The following SLC4A8 variants were observed in gnomAD, a reference collection of about 807,000 sequenced individuals.
SLC4A8 encodes the protein solute carrier family 4 member 8.
In SLC4A8, 40 loss-of-function variants were observed where a neutral mutation model predicts 125.0. That is an observed-to-expected ratio of 0.32 (90% confidence interval 0.25 to 0.42). The LOEUF (loss-of-function observed/expected upper bound fraction) is 0.42, where lower values mean the gene tolerates loss of function less well. Among genes scored for constraint, SLC4A8 ranks in the 10% least tolerant of loss-of-function variants. The pLI is 1.00. For synonymous variants in SLC4A8, 456 were observed against 476.0 expected, an observed-to-expected ratio of 0.96 and a Z score of 0.55; for missense variants, 863 against 1,355.1, an observed-to-expected ratio of 0.64 and a Z score of 5.70.
rs766246167 is a variant in SLC4A8, at chr12:51,471,509, G to A, written c.1881G>A (p.Gln627=). Residue 627 remains glutamine, a synonymous_variant, in exon 14 of 25, where the codon CAG becomes CAA. Coordinates refer to ENST00000453097, the MANE Select transcript of SLC4A8 (RefSeq NM_001039960.3). ...CCTACCCCATCCACATGCACAGCCA[G>A]CTGGACCACCTTAGCCTCTATTAGT... ...AETYPIHMHS[Q]LDHLSLYYCR... is the part of the protein sequence containing the mutation. 2 of 1,614,108 alleles carry A rather than the reference G, an allele frequency of 1.2e-6. No individual in the cohort carries two copies. The highest frequency in any genetic ancestry group is 2.2e-5 in the South Asian group (2 of 91,078).
At chr12:51,498,050 GA>G (rs546057946) in intron 22 of SLC4A8, among the ~76,000 whole-genome samples, 1,623 of 132,672 alleles carry the variant, frequency 0.012, 19 homozygotes, top group African/African-American at 0.036. Flanking sequence ...CCTATCTCAA[GA>G]AAAAAAAAAA....
intron 2 of SLC4A8, among the ~76,000 whole-genome samples, chr12:51,445,312 G>A (rs1241906502): frequency 6.6e-6 from 1 of 152,098 alleles, no homozygotes; most frequent in Non-Finnish European, 1.5e-5. Context: ...GGGACTACAG[G>A]CATGCACCAC....
chr12:51,487,595 G>A (rs1951194112), intron 17 of SLC4A8, among the ~76,000 whole-genome samples: 1 of 152,210 alleles, frequency 6.6e-6, no homozygotes, highest in South Asian at 2.1e-4. Flanking sequence ...CCAAAAAAGG[G>A]CGAACTTGTC....
At chr12:51,433,575 G>A (rs1303345357) in intron 1 of SLC4A8, among the ~76,000 whole-genome samples, 2 of 152,102 alleles carry the variant, frequency 1.3e-5, no homozygotes, top group Non-Finnish European at 2.9e-5. Flanking sequence ...CCATTTACAA[G>A]CACCCTAGAA....
chr12:51,438,318 T>C (rs992510268), intron 1 of SLC4A8, among the ~76,000 whole-genome samples: 4 of 152,178 alleles, frequency 2.6e-5, no homozygotes, highest in African/African-American at 7.2e-5. Context: ...TTCTCTCTTA[T>C]ACTTCTTACT....
intron 6 of SLC4A8, among the ~76,000 whole-genome samples, chr12:51,458,238 A>T (rs773105020): frequency 1.3e-5 from 2 of 152,140 alleles, no homozygotes; most frequent in Non-Finnish European, 2.9e-5. Context: ...TATGCCTGGG[A>T]ATCTATATTT....
chr12:51,451,022 G>A lies in SLC4A8; in HGVS notation c.277G>A (p.Asp93Asn), dbSNP rs765313348. ...GGAAGGCCTGGAAGCCCTGGCCCACGGTAAGGGCCTTGGGAGACAGGGCGG... is the reference window on the plus strand; with the variant it reads ...GGAAGGCCTGGAAGCCCTGGCCCACAGTAAGGGCCTTGGGAGACAGGGCGG... ...GEEGLEALAH[D>N]TPSQRVQFIL... The change falls in exon 3 of 25, where the codon GAC (aspartate) becomes AAC (asparagine). Residue 93 changes from aspartate to asparagine, a missense_variant and splice_region_variant. Physicochemically the swap from Asp to Asn is conservative, Grantham distance 23. Coordinates refer to ENST00000453097, the MANE Select transcript of SLC4A8 (RefSeq NM_001039960.3). 6.6e-6 allele frequency: 10 copies of A among 1,507,306 alleles called. No homozygotes were observed. The highest frequency in any genetic ancestry group is 6.5e-5 in the South Asian group (5 of 76,782). The allele number at this position is 1,507,306 out of a possible 1,614,324, so 93.4% of individuals were successfully genotyped here.
At chr12:51,499,624 T>TACACAC (rs143239328) in intron 22 of SLC4A8, among the ~76,000 whole-genome samples, 6,097 of 143,268 alleles carry the variant, frequency 0.043, 254 homozygotes, top group Admixed American at 0.13. Flanking sequence ...GCTATAATTC[T>TACACAC]ACACACACAC....
rs1938378433 is a variant in SLC4A8 at position 51,511,898 on chromosome 12, C to G, written c.*4460C>G. On this transcript the variant is annotated 3_prime_UTR_variant, in exon 25 of 25. Coordinates refer to ENST00000453097, the MANE Select transcript of SLC4A8 (RefSeq NM_001039960.3). ...CTGTGGGTAATTGATGTGCGTGTCA[C>G]TGATTCCTGCAACAGCTTTGAATGT... 1 of 152,216 alleles carries G rather than the reference C, an allele frequency of 6.6e-6. No individual in the cohort carries two copies. The highest frequency in any genetic ancestry group is 1.5e-5 in the Non-Finnish European group (1 of 68,040). The allele number at this position is 152,216 out of a possible 1,614,324, so 9.4% of individuals were successfully genotyped here. A position where few individuals can be genotyped will look rare whatever the true frequency, so the allele number is the denominator to read the frequency against.
intron 1 of SLC4A8, among the ~76,000 whole-genome samples, chr12:51,437,052 A>G (rs979406834): frequency 1.3e-5 from 2 of 152,224 alleles, no homozygotes; most frequent in Non-Finnish European, 2.9e-5. Flanking sequence ...AGATTTTTCC[A>G]TGGTAGTAAT....
chr12:51,417,441 G>A (rs929398834), intron 1 of SLC4A8, among the ~76,000 whole-genome samples: 1 of 152,110 alleles, frequency 6.6e-6, no homozygotes, highest in African/African-American at 2.4e-5. Flanking sequence ...CTGCCTCCTG[G>A]GTTCAAGCGA....
intron 10 of SLC4A8, 46 bp downstream of exon 10, chr12:51,462,502 T>C: frequency 1.3e-6 from 2 of 1,490,246 alleles, no homozygotes; most frequent in Non-Finnish European, 1.8e-6. Flanking sequence ...ACTTACTGAC[T>C]GCCCACCATG....
At chr12:51,430,243 A>C (rs979517625) in intron 1 of SLC4A8, among the ~76,000 whole-genome samples, 3 of 152,060 alleles carry the variant, frequency 2.0e-5, no homozygotes, top group African/African-American at 7.2e-5. Flanking sequence ...GGACCTGAAA[A>C]AGCTCTAAGA....
At chr12:51,465,125 G>C (rs1950473730) in intron 11 of SLC4A8, among the ~76,000 whole-genome samples, 1 of 152,208 alleles carries the variant, frequency 6.6e-6, no homozygotes. Flanking sequence ...GGAAGCATAT[G>C]TCCTCAGAAG....
At chr12:51,466,494 C>T (rs1950518781) in intron 11 of SLC4A8, 1 of 151,930 alleles carries the variant, frequency 6.6e-6, no homozygotes, top group Admixed American at 6.6e-5. Context: ...GCTCCAGAGC[C>T]TAGTGACCCT....
chr12:51,474,498 A>C, intron 15 of SLC4A8, 51 bp downstream of exon 15: 3 of 1,576,256 alleles, frequency 1.9e-6, no homozygotes, highest in Non-Finnish European at 1.7e-6. Context: ...CAGGTTTAGG[A>C]GGGACTTCTA....
chr12:51,515,439 C>G lies in SLC4A8; in HGVS notation c.*8001C>G, dbSNP rs1176688075. 1 of 152,138 alleles carries G rather than the reference C, an allele frequency of 6.6e-6. No homozygotes were observed. The highest frequency in any genetic ancestry group is 1.5e-5 in the Non-Finnish European group (1 of 68,030). The allele number at this position is 152,138 out of a possible 1,614,324, so 9.4% of individuals were successfully genotyped here. A position where few individuals can be genotyped will look rare whatever the true frequency, so the allele number is the denominator to read the frequency against. Reference sequence around the variant, plus strand: ...GGTGCTGGTACATTTCCCTTGTTTTCTATGTTCTTCTTTCTAGTGGGTCTC... The same window carrying G: ...GGTGCTGGTACATTTCCCTTGTTTTGTATGTTCTTCTTTCTAGTGGGTCTC... On this transcript the variant is annotated 3_prime_UTR_variant, in exon 25 of 25. Coordinates refer to ENST00000453097, the MANE Select transcript of SLC4A8 (RefSeq NM_001039960.3).
At chr12:51,427,594 G>A (rs1949037744) in intron 1 of SLC4A8, among the ~76,000 whole-genome samples, 1 of 152,132 alleles carries the variant, frequency 6.6e-6, no homozygotes, top group Non-Finnish European at 1.5e-5. Flanking sequence ...AAGGAGGAAA[G>A]GAAATGGGGA....
chr12:51,514,196 A>G lies in SLC4A8; in HGVS notation c.*6758A>G, dbSNP rs759651031. On this transcript the variant is annotated 3_prime_UTR_variant, in exon 25 of 25. Transcript: ENST00000453097. ...GGACTTTAAACAGTTGTCTTTGCCAATTTGTTCCTGGATTTTCCTTGAACT... is the reference window on the plus strand; with the variant it reads ...GGACTTTAAACAGTTGTCTTTGCCAGTTTGTTCCTGGATTTTCCTTGAACT... 10 of 152,598 alleles carry G rather than the reference A, an allele frequency of 6.6e-5. No homozygotes were observed. Among genetic ancestry groups the G allele is most frequent in the Non-Finnish European group, 1.2e-4 (8 of 68,034 alleles). The allele number at this position is 152,598 out of a possible 1,614,324, so 9.5% of individuals were successfully genotyped here.
Sources: allele counts gnomAD v4.1 joint callset (sites outside exome capture counted in the v4.1 genomes callset), GRCh38; gene constraint gnomAD v4.1.1; transcripts MANE v1.5; gene names NCBI Gene and HGNC (gene_info 2026-07-23, HGNC 2026-07-21).